The following IL1RL1 variants were observed in gnomAD, a reference collection of about 807,000 sequenced individuals.
IL1RL1 encodes interleukin 1 receptor like 1.
IL1RL1 carries 32 observed loss-of-function variants against 50.9 expected under a neutral mutation model. The ratio of observed to expected loss-of-function variants is 0.63; its 90% CI spans 0.47 to 0.84. The LOEUF (loss-of-function observed/expected upper bound fraction) is 0.84, where lower values mean the gene tolerates loss of function less well. IL1RL1 is among the 40% of genes least tolerant of loss of function. The probability of loss-of-function intolerance (pLI) is 0.00; values close to 1 mark genes in which losing one functional copy is unlikely to be tolerated. For synonymous variants in IL1RL1, 275 were observed against 236.0 expected (o/e 1.17, Z -1.51); for missense variants, 773 against 662.9 (o/e 1.17, Z -1.82).
intron 9 of IL1RL1, 58 bp from the exon 10 acceptor site, chr2:102,349,021 G>C (rs1180172091): frequency 2.3e-6 from 3 of 1,332,120 alleles, no homozygotes; most frequent in South Asian, 1.2e-5. Context: ...TCTTCAAAGA[G>C]TCCAGTGAGA....
intron 1 of IL1RL1, among the ~76,000 whole-genome samples, chr2:102,328,260 G>GATTA (rs1441546366): frequency 2.6e-5 from 4 of 152,096 alleles, no homozygotes; most frequent in African/African-American, 9.7e-5. Context: ...AAAACCACAT[G>GATTA]ATTATCTCAA....
chr2:102,312,021 AT>A (rs1413221464), intron 1 of IL1RL1, among the ~76,000 whole-genome samples: 856 of 56,128 alleles, frequency 0.015, 60 homozygotes, highest in African/African-American at 0.041. Flanking sequence ...ATTATATATA[AT>A]ATATATTATA....
At chr2:102,324,201 GA>G (rs1676924508) in intron 1 of IL1RL1, among the ~76,000 whole-genome samples, 1 of 152,146 alleles carries the variant, frequency 6.6e-6, no homozygotes, top group South Asian at 2.1e-4. Flanking sequence ...CCCAGGAAGA[GA>G]ATTTCTGGAG....
At chr2:102,325,364 T>C (rs1676966083) in intron 1 of IL1RL1, among the ~76,000 whole-genome samples, 1 of 151,936 alleles carries the variant, frequency 6.6e-6, no homozygotes, top group African/African-American at 2.4e-5. Context: ...GTCATCATCA[T>C]CAAAGACCAA....
intron 8 of IL1RL1, chr2:102,345,537 C>A: frequency 1.0e-6 from 1 of 985,372 alleles, no homozygotes; most frequent in Non-Finnish European, 1.2e-6. Context: ...TAGGATTCAT[C>A]CAGATACACA....
In IL1RL1 at chr2:102,311,965, TATA is replaced by T. The variant is rs1413846148; in HGVS notation, c.-150+346_-150+348del. The stretch of plus-strand genomic sequence containing the variant: ...AATATTATATATAATATATATTATA[TATA>T]ATATTATATATAATATATATTATAT... On this transcript the variant is annotated intron_variant, in intron 1 of 10. Coordinates refer to ENST00000233954, the MANE Select transcript of IL1RL1 (RefSeq NM_016232.5). 2.5e-3 allele frequency among the ~76,000 whole-genome samples: 69 copies of T among 27,928 alleles called. 1 individual carries two copies. Among genetic ancestry groups the T allele is most frequent in the Middle Eastern group, 0.038 (1 of 26 alleles). 18.3% of individuals were successfully genotyped at this position (27,928 alleles called of 152,430 possible).
chr2:102,313,900 A>T (rs1676595786), intron 1 of IL1RL1, among the ~76,000 whole-genome samples: 1 of 152,158 alleles, frequency 6.6e-6, no homozygotes, highest in African/African-American at 2.4e-5. Flanking sequence ...GGTGGAAAAG[A>T]TCCCTCTGGT....
chr2:102,312,219 A>G (rs1178280138), intron 1 of IL1RL1, among the ~76,000 whole-genome samples: 1 of 143,894 alleles, frequency 6.9e-6, no homozygotes, highest in East Asian at 2.0e-4. Context: ...AATTAAATTT[A>G]AAGGAGTTTA....
chr2:102,314,106 G>T (rs1228613336), intron 1 of IL1RL1, among the ~76,000 whole-genome samples: 3 of 152,074 alleles, frequency 2.0e-5, no homozygotes, highest in Non-Finnish European at 2.9e-5. Flanking sequence ...GCTTCAACTT[G>T]TCTGGGATGT....
At chr2:102,330,611 C>A (rs556226113) in intron 1 of IL1RL1, among the ~76,000 whole-genome samples, 1 of 152,156 alleles carries the variant, frequency 6.6e-6, no homozygotes, top group African/African-American at 2.4e-5. Flanking sequence ...TGTGAAATAT[C>A]AGTACAAGTC....
At chr2:102,341,229 T>G (rs1207776544) in intron 5 of IL1RL1, 1 of 1,201,436 alleles carries the variant, frequency 8.3e-7, no homozygotes, top group Non-Finnish European at 1.1e-6. Flanking sequence ...GAGCTTAATC[T>G]TTAGTAATAC....
intron 8 of IL1RL1, chr2:102,344,753 C>T (rs1191811779): frequency 2.1e-6 from 2 of 941,168 alleles, no homozygotes; most frequent in Non-Finnish European, 2.5e-6. Context: ...TTTTTGTGTA[C>T]ATTTCTACTT....
chr2:102,343,482 T>C (rs191129267), intron 8 of IL1RL1, 67 bp downstream of exon 8: 2 of 1,613,146 alleles, frequency 1.2e-6, no homozygotes, highest in Non-Finnish European at 1.7e-6. Flanking sequence ...GAATGGAGTG[T>C]GGTTCCAAGA....
intron 5 of IL1RL1, among the ~76,000 whole-genome samples, 171 bp downstream of exon 5, chr2:102,340,999 A>G (rs1368786147): frequency 6.6e-6 from 1 of 152,154 alleles, no homozygotes; most frequent in African/African-American, 2.4e-5. Context: ...TTCTGAACAC[A>G]CTATCAAGAT....
chr2:102,321,381 G>C lies in IL1RL1; in HGVS notation c.-150+9758G>C, dbSNP rs570290429. On this transcript the variant is annotated intron_variant, in intron 1 of 10. Coordinates refer to ENST00000233954, the MANE Select transcript of IL1RL1 (RefSeq NM_016232.5). Reference sequence around the variant, plus strand: ...ATCTGAAACAGTGATTGGCATGAAAGAATAACCCTCACTGGTTGTCTGGGT... The same window carrying C: ...ATCTGAAACAGTGATTGGCATGAAACAATAACCCTCACTGGTTGTCTGGGT... Among the ~76,000 whole-genome samples, 26 of 152,300 alleles carry C rather than the reference G, an allele frequency of 1.7e-4. 1 individual carries two copies. In the South Asian group the frequency reaches 5.2e-3, roughly 30 times the overall value.
intron 1 of IL1RL1, among the ~76,000 whole-genome samples, chr2:102,318,071 T>C (rs764851679): frequency 2.6e-5 from 4 of 152,164 alleles, no homozygotes; most frequent in African/African-American, 4.8e-5. Flanking sequence ...CCAGGGGGTC[T>C]TCTTGTTCAT....
rs572640702 is a variant in IL1RL1, at chr2:102,324,830, G to A, written c.-150+13207G>A. Among the ~76,000 whole-genome samples, 432 of 152,342 alleles carry A rather than the reference G, an allele frequency of 2.8e-3. 2 individuals are homozygous for A. Among genetic ancestry groups the A allele is most frequent in the Non-Finnish European group, 5.3e-3 (363 of 68,024 alleles). ...GGCGTGCCCACCATTGCTGAGGCTT[G>A]AGTGGGTAAACAAAGCAGCCGGGAA... On this transcript the variant is annotated intron_variant, in intron 1 of 10. Coordinates refer to ENST00000233954, the MANE Select transcript of IL1RL1 (RefSeq NM_016232.5).
At chr2:102,332,964 T>G (rs1227022532) in intron 1 of IL1RL1, among the ~76,000 whole-genome samples, 3 of 152,042 alleles carry the variant, frequency 2.0e-5, no homozygotes, top group Non-Finnish European at 4.4e-5. Flanking sequence ...GAAGAAGCTG[T>G]CCAGGCAGAA....
chr2:102,311,984 T>G (rs1676512899), intron 1 of IL1RL1, among the ~76,000 whole-genome samples: 1 of 28,892 alleles, frequency 3.5e-5, no homozygotes. Context: ...ATATATAATA[T>G]ATATTATATA....
Sources: gnomAD v4.1 joint callset for allele counts (sites outside exome capture counted in the v4.1 genomes callset) on GRCh38, gnomAD v4.1.1 for gene constraint, MANE v1.5 for transcripts, NCBI Gene and HGNC (gene_info 2026-07-23, HGNC 2026-07-21) for gene names.